The following DRGX variants were observed in gnomAD, a reference collection of about 807,000 sequenced individuals.
DRGX encodes dorsal root ganglia homeobox.
Under a neutral mutation model 28.6 loss-of-function variants are expected in DRGX, and 21 were observed. The observed-to-expected ratio is 0.73, with a 90% CI of 0.52 to 1.06. The LOEUF is 1.06. Among genes scored for constraint, DRGX ranks in the 50% least tolerant of loss-of-function variants. The pLI is 0.00. For missense variants in DRGX, 354 were observed against 343.9 expected, an observed-to-expected ratio of 1.03 and a Z score of -0.23; for synonymous variants, 136 against 139.1, an observed-to-expected ratio of 0.98 and a Z score of 0.16.
Position 49,391,223 on chromosome 10 carries a change from CA to C in DRGX, c.72del (p.Phe24LeufsTer45). Reference sequence around the variant, plus strand: ...TGTTTTCTACGCAGAAACCCGTCATCAAAATCCCCCGAAGAGTGATTGCCAA... The same window carrying C: ...TGTTTTCTACGCAGAAACCCGTCATCAAATCCCCCGAAGAGTGATTGCCAA... ...ATFGNHSSGD[F>X]DDGFLRRKQR... On this transcript the variant is annotated frameshift_variant, in exon 3 of 7. Transcript: ENST00000374139. LOFTEE classifies it high-confidence loss of function. 6.2e-7 allele frequency: 1 copy of C among 1,612,268 alleles called. No individual in the cohort carries two copies. The highest frequency in any genetic ancestry group is 8.5e-7 in the Non-Finnish European group (1 of 1,179,196).
At chr10:49,371,300 AAATAGCTACTG>A (rs1207914733) in intron 6 of DRGX, among the ~76,000 whole-genome samples, 3 of 152,178 alleles carry the variant, frequency 2.0e-5, no homozygotes, top group African/African-American at 4.8e-5. Flanking sequence ...ACTCATTAGT[AAATAGCTACTG>A]AGTAAAAATC....
chr10:49,372,821 T>C (rs1352816797), intron 6 of DRGX, among the ~76,000 whole-genome samples: 1 of 152,262 alleles, frequency 6.6e-6, no homozygotes, highest in Non-Finnish European at 1.5e-5. Flanking sequence ...AGCTGTATTT[T>C]TTCCTCAGTG....
intron 2 of DRGX, among the ~76,000 whole-genome samples, chr10:49,393,324 A>G (rs1849930302): frequency 6.6e-6 from 1 of 152,264 alleles, no homozygotes; most frequent in Admixed American, 6.5e-5. Context: ...AAGGCAAAAC[A>G]CATATTTTAA....
intron 4 of DRGX, among the ~76,000 whole-genome samples, chr10:49,387,792 T>G (rs1156262492): frequency 6.6e-6 from 1 of 152,186 alleles, no homozygotes; most frequent in South Asian, 2.1e-4. Context: ...ATGAGGTAAG[T>G]AGTCCTGTTA....
At chr10:49,385,701 A>G (rs1849824792) in intron 6 of DRGX, among the ~76,000 whole-genome samples, 2 of 151,718 alleles carry the variant, frequency 1.3e-5, no homozygotes, top group South Asian at 2.1e-4. Context: ...ACTTCCTATT[A>G]TCAGAAAAAA....
chr10:49,376,459 C>T (rs528526312), intron 6 of DRGX, among the ~76,000 whole-genome samples: 5 of 152,208 alleles, frequency 3.3e-5, no homozygotes, highest in Non-Finnish European at 5.9e-5. Context: ...GAACCCCAGT[C>T]ACCATGCACT....
chr10:49,366,092 G>A lies in DRGX; in HGVS notation c.*24C>T, dbSNP rs1849595466. On this transcript the variant is annotated 3_prime_UTR_variant, in exon 7 of 7. Transcript: ENST00000374139. ...GGAGAAGGAGGGGCGGGGGAGGGCA[G>A]GCCGGGCGGGGCACTGTGGACCCTC... 1.3e-6 allele frequency: 2 copies of A among 1,520,896 alleles called. No individual in the cohort carries two copies. Among genetic ancestry groups the A allele is most frequent in the Non-Finnish European group, 8.8e-7 (1 of 1,131,316 alleles). 94.2% of individuals were successfully genotyped at this position (1,520,896 alleles called of 1,614,324 possible).
chr10:49,389,041 C>T (rs370926354), intron 4 of DRGX, among the ~76,000 whole-genome samples: 22 of 152,168 alleles, frequency 1.4e-4, no homozygotes, highest in African/African-American at 5.1e-4. Flanking sequence ...ATTTGCAGTT[C>T]AGTCTTTAGG....
chr10:49,381,345 C>A (rs914290216), intron 6 of DRGX, among the ~76,000 whole-genome samples: 4 of 152,212 alleles, frequency 2.6e-5, no homozygotes, highest in Admixed American at 2.0e-4. Flanking sequence ...TTGGAGTGGC[C>A]AGGATCTCCT....
chr10:49,392,815 G>A (rs1302262910), intron 2 of DRGX, among the ~76,000 whole-genome samples: 1 of 152,112 alleles, frequency 6.6e-6, no homozygotes, highest in Admixed American at 6.5e-5. Flanking sequence ...TAGAATAGTC[G>A]ATAATATTAT....
intron 6 of DRGX, among the ~76,000 whole-genome samples, chr10:49,384,912 G>A (rs772813294): frequency 7.2e-5 from 11 of 152,280 alleles, no homozygotes; most frequent in East Asian, 3.9e-4. Context: ...TAGGGCGAGC[G>A]ACCCTCATTT....
At chr10:49,375,725 T>C (rs1327838758) in intron 6 of DRGX, among the ~76,000 whole-genome samples, 1 of 152,112 alleles carries the variant, frequency 6.6e-6, no homozygotes, top group East Asian at 1.9e-4. Flanking sequence ...CTTTTTCTGC[T>C]TGGATGTCTC....
chr10:49,374,707 C>T (rs951339540), intron 6 of DRGX, among the ~76,000 whole-genome samples: 5 of 152,164 alleles, frequency 3.3e-5, no homozygotes, highest in Non-Finnish European at 7.3e-5. Flanking sequence ...TATTTGATCT[C>T]CTTGGCAGTT....
chr10:49,391,786 T>G, intron 2 of DRGX: 1 of 495,970 alleles, frequency 2.0e-6, no homozygotes. Context: ...TTTTCTCTTA[T>G]AAGTGCAGAA....
In DRGX at chr10:49,386,680, C is replaced by T; in HGVS notation, c.413G>A (p.Ser138Asn). ...CGGGCCCAGAGACCCACAGCCTCAC[C>T]TCTGCTGGGCCTCCAGCGCCTCCTT... ...SKKEALEAQQ[S>N]LGRTVGPAGP... Residue 138 changes from serine (S) to asparagine (N), a missense_variant and splice_region_variant, in exon 5 of 7, where the codon AGC (serine) becomes AAC (asparagine). Ser to Asn is a conservative substitution (Grantham distance 46). Coordinates refer to ENST00000374139, the MANE Select transcript of DRGX (RefSeq NM_001276451.2). The T allele has an allele frequency of 6.3e-7, 1 of 1,576,222 alleles. No homozygotes were observed. The highest frequency in any genetic ancestry group is 8.6e-7 in the Non-Finnish European group (1 of 1,161,828).
At chr10:49,371,180 G>T (rs1849655288) in intron 6 of DRGX, among the ~76,000 whole-genome samples, 1 of 152,194 alleles carries the variant, frequency 6.6e-6, no homozygotes, top group South Asian at 2.1e-4. Context: ...ATTTCTCAGT[G>T]ATCTGACAGT....
chr10:49,384,031 G>A (rs750092544), intron 6 of DRGX, among the ~76,000 whole-genome samples: 2 of 152,216 alleles, frequency 1.3e-5, no homozygotes, highest in Admixed American at 6.5e-5. Flanking sequence ...GCTGAGCAAC[G>A]GCTGCCCTTT....
intron 2 of DRGX, among the ~76,000 whole-genome samples, chr10:49,393,272 G>A (rs1675225942): frequency 6.6e-6 from 1 of 152,134 alleles, no homozygotes; most frequent in Non-Finnish European, 1.5e-5. Flanking sequence ...AGTAAAAAAA[G>A]CAAAGTACAG....
chr10:49,377,145 A>G (rs1317559466), intron 6 of DRGX, among the ~76,000 whole-genome samples: 2 of 152,244 alleles, frequency 1.3e-5, no homozygotes, highest in South Asian at 2.1e-4. Flanking sequence ...TATCTTTGGA[A>G]TCTCCTAAGA....
Sources: allele counts gnomAD v4.1 joint callset (sites outside exome capture counted in the v4.1 genomes callset), GRCh38; gene constraint gnomAD v4.1.1; transcripts MANE v1.5; gene names NCBI Gene and HGNC (gene_info 2026-07-23, HGNC 2026-07-21).